HNRNPL: variants seen among roughly 807,000 people sequenced by gnomAD.
The protein encoded by HNRNPL is epididymis secretory sperm binding protein.
HNRNPL carries 12 observed loss-of-function variants against 64.0 expected under a neutral mutation model. The ratio of observed to expected loss-of-function variants is 0.19; its 90% CI spans 0.12 to 0.30. HNRNPL has a LOEUF of 0.30. HNRNPL is among the 10% of genes least tolerant of loss of function. The probability of loss-of-function intolerance (pLI) is 1.00; values close to 1 mark genes in which losing one functional copy is unlikely to be tolerated. For missense variants in HNRNPL, 484 were observed against 797.4 expected (o/e 0.61, Z 4.73); for synonymous variants, 385 against 313.0 (o/e 1.23, Z -2.43).
chr19:38,844,482 C>G (rs1244152808), intron 4 of HNRNPL, among the ~76,000 whole-genome samples: 6 of 152,134 alleles, frequency 3.9e-5, no homozygotes, highest in Admixed American at 3.9e-4. Context: ...TGCCCCTGCC[C>G]CAAGCATCGC....
chr19:38,839,040 CA>C (rs779634455), intron 8 of HNRNPL, 25 bp from the exon 9 acceptor site: 2 of 1,611,886 alleles, frequency 1.2e-6, no homozygotes, highest in Non-Finnish European at 1.7e-6. Flanking sequence ...CTGCAGTCAG[CA>C]CCTCTGTCCA....
chr19:38,840,734 C>G, intron 6 of HNRNPL, 175 bp from the exon 7 acceptor site: 2 of 625,380 alleles, frequency 3.2e-6, no homozygotes, highest in Non-Finnish European at 5.6e-6. Context: ...GAAGCCCGAG[C>G]CTCAAAGCTG....
intron 6 of HNRNPL, 128 bp downstream of exon 6, chr19:38,843,714 C>G (rs1009842458): frequency 5.3e-6 from 4 of 759,114 alleles, no homozygotes; most frequent in Non-Finnish European, 6.7e-6. Context: ...AAGTGCTGAC[C>G]CCAAGGCCCT....
upstream of HNRNPL, chr19:38,851,211 G>A (rs1255923935): frequency 2.0e-5 from 3 of 152,390 alleles, no homozygotes; most frequent in African/African-American, 7.2e-5. Flanking sequence ...CTGTGCCTGC[G>A]TCGGGCCTTT....
chr19:38,849,916 C>G lies in HNRNPL; in HGVS notation c.51G>C (p.Glu17Asp), dbSNP rs762051892. 1 of 1,319,552 alleles carries G rather than the reference C, an allele frequency of 7.6e-7. No homozygotes were observed. Among genetic ancestry groups the G allele is most frequent in the African/African-American group, 1.5e-5 (1 of 65,754 alleles). 81.7% of individuals were successfully genotyped at this position (1,319,552 alleles called of 1,614,324 possible). The change falls in exon 1 of 13, where the codon GAG (glutamate) becomes GAC (aspartate). Residue 17 changes from glutamate to aspartate, a missense_variant. Around this residue, in one of 9 missense-constraint regions of HNRNPL, gnomAD observed 190 missense variants for 160.1 expected, o/e 1.19. Coordinates refer to ENST00000221419, the MANE Select transcript of HNRNPL (RefSeq NM_001533.3). ...GCTGCTCGTCCGGCTGCTGCCTCTG[C>G]TCCAGCCGCCGACGCCGCTTCTCCG... is the stretch of plus-strand genomic sequence containing the variant. ...PRAEKRRRRL[E>D]QRQQPDEQRR...
At chr19:38,843,196 C>CCG (rs1463631682) in intron 6 of HNRNPL, among the ~76,000 whole-genome samples, 1 of 152,144 alleles carries the variant, frequency 6.6e-6, no homozygotes, top group African/African-American at 2.4e-5. Flanking sequence ...TGGGGGGCTG[C>CCG]CGCTGTTTCT....
intron 6 of HNRNPL, among the ~76,000 whole-genome samples, chr19:38,842,496 CCT>C (rs1408473635): frequency 6.6e-6 from 1 of 152,018 alleles, no homozygotes; most frequent in Non-Finnish European, 1.5e-5. Flanking sequence ...TCTCTGTATG[CCT>C]CTGTCTCTGT....
In HNRNPL at chr19:38,836,795, C is replaced by G; in HGVS notation, c.1712-15G>C. 1 of 1,608,122 alleles carries G rather than the reference C, an allele frequency of 6.2e-7. No individual in the cohort carries two copies. The highest frequency in any genetic ancestry group is 8.5e-7 in the Non-Finnish European group (1 of 1,177,116). ...GTATGGACCATCTGCAAAGGAGAGACAAGTTTGGTTGGTTCCCGTCTTTGG... is the reference window on the plus strand; with the variant it reads ...GTATGGACCATCTGCAAAGGAGAGAGAAGTTTGGTTGGTTCCCGTCTTTGG... On this transcript the variant is annotated splice_polypyrimidine_tract_variant and intron_variant, in intron 12 of 12. Coordinates refer to ENST00000221419, the MANE Select transcript of HNRNPL (RefSeq NM_001533.3).
At chr19:38,841,620 C>T (rs1259077222) in intron 6 of HNRNPL, 10 of 1,267,550 alleles carry the variant, frequency 7.9e-6, no homozygotes, top group Non-Finnish European at 9.3e-6. Context: ...TACCATTGGA[C>T]GCTTCAACAG....
intron 6 of HNRNPL, chr19:38,841,975 C>G: frequency 3.3e-6 from 1 of 298,684 alleles, no homozygotes; most frequent in Non-Finnish European, 6.6e-6. Flanking sequence ...GGCCCCACTA[C>G]GCTCGCGCTT....
At chr19:38,839,495 CCT>C (rs1491086262) in intron 8 of HNRNPL, 4 of 176,462 alleles carry the variant, frequency 2.3e-5, no homozygotes, top group Non-Finnish European at 4.9e-5. Flanking sequence ...CTCCACTTCC[CCT>C]GTCCATCTCA....
At chr19:38,846,995 G>T (rs1183291019) in intron 2 of HNRNPL, among the ~76,000 whole-genome samples, 1 of 152,164 alleles carries the variant, frequency 6.6e-6, no homozygotes, top group Non-Finnish European at 1.5e-5. Context: ...TCAGCAGGCC[G>T]AGGCAGAAGG....
intron 1 of HNRNPL, 125 bp from the exon 2 acceptor site, chr19:38,847,559 G>T (rs752269717): frequency 2.0e-6 from 1 of 492,936 alleles, no homozygotes; most frequent in African/African-American, 2.0e-5. Context: ...GGATGCACAG[G>T]AAAGACTAGG....
At chr19:38,838,753 G>C (rs559373426) in intron 9 of HNRNPL, 141 bp downstream of exon 9, 45 of 1,334,246 alleles carry the variant, frequency 3.4e-5, no homozygotes, top group Admixed American at 1.4e-4. Context: ...TGGTGTCAGA[G>C]ACACGTCTGG....
chr19:38,849,743 C>G lies in HNRNPL; in HGVS notation c.224G>C (p.Gly75Ala), dbSNP rs1253994822. 4 of 1,393,672 alleles carry G rather than the reference C, an allele frequency of 2.9e-6. No homozygotes were observed. 86.3% of individuals were successfully genotyped at this position (1,393,672 alleles called of 1,614,324 possible). A position where few individuals can be genotyped will look rare whatever the true frequency, so the allele number is the denominator to read the frequency against. ...CGCCGCCCCGGCTCCTCCACCGCCA[C>G]CGCCGCCGCCTCCGTGCTGGTCGCC... ...NAGDQHGGGG[G>A]GGGGAGAAGG... The change falls in exon 1 of 13, where the codon GGT (glycine) becomes GCT (alanine). Residue 75 changes from glycine (G) to alanine (A), a missense_variant. By Grantham distance (60) the Gly-to-Ala change is moderately conservative (BLOSUM62 0). Transcript: ENST00000221419.
At chr19:38,838,756 A>C (rs946442401) in intron 9 of HNRNPL, 138 bp downstream of exon 9, 2 of 1,337,128 alleles carry the variant, frequency 1.5e-6, no homozygotes, top group Admixed American at 1.7e-5. Context: ...TGTCAGAGAC[A>C]CGTCTGGGAA....
At chr19:38,850,114 C>G (rs1972462305), upstream of HNRNPL, 1 of 585,026 alleles carries the variant, frequency 1.7e-6, no homozygotes, top group Non-Finnish European at 2.7e-6. Context: ...TGGACATTGC[C>G]CACGCCGTTC....
In HNRNPL at chr19:38,839,030, C is replaced by T. The variant is rs765425372; in HGVS notation, c.1234-15G>A. On this transcript the variant is annotated splice_polypyrimidine_tract_variant and intron_variant, in intron 8 of 12. Coordinates refer to ENST00000221419, the MANE Select transcript of HNRNPL (RefSeq NM_001533.3). ...ATGAATTTCACCTTGGGGAGAGTAG[C>T]TGCAGTCAGCACCTCTGTCCAGCTG... The T allele has an allele frequency of 7.4e-6, 12 of 1,613,810 alleles. No individual in the cohort carries two copies. Among genetic ancestry groups the T allele is most frequent in the Admixed American group, 1.7e-5 (1 of 60,016 alleles).
chr19:38,851,897 C>A (rs1466975111), upstream of HNRNPL, among the ~76,000 whole-genome samples: 4 of 152,124 alleles, frequency 2.6e-5, no homozygotes, highest in African/African-American at 9.7e-5. Flanking sequence ...GATCCGACCA[C>A]GCCAACGGAA....
Sources: allele counts gnomAD v4.1 joint callset (sites outside exome capture counted in the v4.1 genomes callset), GRCh38; gene constraint gnomAD v4.1.1; regional missense constraint gnomAD v4.1.1; transcripts MANE v1.5; gene names NCBI Gene and HGNC (gene_info 2026-07-23, HGNC 2026-07-21).